TTC3: variants seen among roughly 807,000 people sequenced by gnomAD.
TTC3 encodes the protein E3 ubiquitin-protein ligase TTC3.
Under a neutral mutation model 249.6 loss-of-function variants are expected in TTC3, and 180 were observed. The ratio of observed to expected loss-of-function variants is 0.72; its 90% CI spans 0.64 to 0.82. The LOEUF (loss-of-function observed/expected upper bound fraction) is 0.82. Ranked by LOEUF, TTC3 falls within the 40% of genes least tolerant of loss-of-function variation. The pLI is 0.00. For missense variants in TTC3, 2,061 were observed against 2,398.4 expected (o/e 0.86, Z 2.94); for synonymous variants, 717 against 805.0 (o/e 0.89, Z 1.85).
exon 38 of TTC3, chr21:37,187,111 A>T: frequency 6.3e-7 from 1 of 1,580,436 alleles, no homozygotes; most frequent in Non-Finnish European, 8.5e-7. Context: ...AAAGAGGATT[A>T]TGAAGAGAGT....
chr21:37,175,977 G>A (rs905789819), intron 35 of TTC3, among the ~76,000 whole-genome samples: 4 of 152,106 alleles, frequency 2.6e-5, no homozygotes, highest in Non-Finnish European at 4.4e-5. Flanking sequence ...CGCCATGTTG[G>A]CCAGGCTAGT....
chr21:37,194,562 T>C (rs1202156475), intron 41 of TTC3: 1 of 152,092 alleles, frequency 6.6e-6, no homozygotes, highest in Non-Finnish European at 1.5e-5. Context: ...AGAAGCAATA[T>C]ATTGCTTCCT....
chr21:37,143,399 A>G (rs1413042940), intron 20 of TTC3, among the ~76,000 whole-genome samples: 3 of 152,170 alleles, frequency 2.0e-5, no homozygotes, highest in African/African-American at 7.2e-5. Context: ...CAAATTTACA[A>G]GAAAAAAACA....
At chr21:37,115,415 C>A (rs184432486) in intron 11 of TTC3, among the ~76,000 whole-genome samples, 1 of 152,064 alleles carries the variant, frequency 6.6e-6, no homozygotes, top group East Asian at 1.9e-4. Context: ...ACAGGAAGCC[C>A]CAGTAAACTG....
chr21:37,093,870 T>G, intron 7 of TTC3, 135 bp from the exon 8 acceptor site: 1 of 521,922 alleles, frequency 1.9e-6, no homozygotes, highest in Non-Finnish European at 3.4e-6. Flanking sequence ...ACAAGAAACA[T>G]GTGCTATTTA....
chr21:37,151,127 A>G (rs1396965245), intron 25 of TTC3, among the ~76,000 whole-genome samples: 2 of 152,190 alleles, frequency 1.3e-5, no homozygotes, highest in Non-Finnish European at 2.9e-5. Context: ...AATTAAAATT[A>G]TAACATTTGA....
chr21:37,156,688 A>G lies in TTC3; in HGVS notation c.2774A>G (p.Tyr925Cys), dbSNP rs756767186. 4 of 1,613,758 alleles carry G rather than the reference A, an allele frequency of 2.5e-6. No homozygotes were observed. In the South Asian group the frequency reaches 3.3e-5, roughly 13 times the overall value. The change falls in exon 28 of 46, where the codon TAT (tyrosine) becomes TGT (cysteine). Residue 925 changes from tyrosine to cysteine, a missense_variant. This residue lies in a region of TTC3 where 989 missense variants were observed against 1,145.1 expected (regional missense o/e 0.86). Transcript: ENST00000355666. Reference sequence around the variant, plus strand: ...GCCACAGGAACTTTCTTTTCTCGTTATGGAGCATCTCTTAAACTGCTTGAT... The same window carrying G: ...GCCACAGGAACTTTCTTTTCTCGTTGTGGAGCATCTCTTAAACTGCTTGAT...
intron 36 of TTC3, 59 bp from the exon 37 acceptor site, chr21:37,185,646 TG>T (rs1279182456): frequency 1.8e-5 from 17 of 956,318 alleles, no homozygotes; most frequent in Admixed American, 5.4e-5. Context: ...ATTTACTGTG[TG>T]GGGGTCCTGT....
intron 15 of TTC3, 84 bp from the exon 16 acceptor site, chr21:37,128,919 A>G (rs2077249037): frequency 1.8e-6 from 2 of 1,101,358 alleles, no homozygotes; most frequent in African/African-American, 1.6e-5. Context: ...TCTTACTCCA[A>G]TTTATATTTT....
intron 10 of TTC3, among the ~76,000 whole-genome samples, chr21:37,097,069 A>G (rs2074015683): frequency 6.6e-6 from 1 of 152,234 alleles, no homozygotes; most frequent in Non-Finnish European, 1.5e-5. Flanking sequence ...ATAGTATAAA[A>G]GAAGCATTTT....
chr21:37,197,821 T>G, intron 43 of TTC3, 61 bp from the exon 44 acceptor site: 1 of 1,573,726 alleles, frequency 6.4e-7, no homozygotes, highest in Non-Finnish European at 8.6e-7. Flanking sequence ...GATGGTCAAG[T>G]TGTTGGATAA....
exon 46 of TTC3, chr21:37,202,542 T>A (rs2085591953): frequency 6.6e-6 from 1 of 152,282 alleles, no homozygotes; most frequent in Non-Finnish European, 1.5e-5. Flanking sequence ...CCCTGAGGTA[T>A]CTGTGTTACA....
chr21:37,124,112 C>CTTTTTTTTTT (rs60916518), intron 13 of TTC3, among the ~76,000 whole-genome samples: 684 of 61,286 alleles, frequency 0.011, 130 homozygotes, highest in Middle Eastern at 0.079. Flanking sequence ...TTGAACTGTT[C>CTTTTTTTTTT]TTTTTTTTTT....
chr21:37,176,355 T>G (rs908901943), intron 35 of TTC3, among the ~76,000 whole-genome samples: 1 of 152,224 alleles, frequency 6.6e-6, no homozygotes, highest in African/African-American at 2.4e-5. Flanking sequence ...AACCCCATAT[T>G]TATTAATCAG....
chr21:37,092,837 A>G (rs963081477), intron 7 of TTC3, among the ~76,000 whole-genome samples: 20 of 152,156 alleles, frequency 1.3e-4, no homozygotes, highest in Admixed American at 1.2e-3. Context: ...TCCTTTTTAT[A>G]TAATAGCTTA....
chr21:37,147,578 T>C (rs1448026312), exon 22 of TTC3: 23 of 1,608,622 alleles, frequency 1.4e-5, no homozygotes, highest in African/African-American at 4.0e-5. Flanking sequence ...AAGATCCAGA[T>C]ATACATAACT....
intron 1 of TTC3, among the ~76,000 whole-genome samples, chr21:37,085,614 T>G (rs1325439793): frequency 1.3e-5 from 2 of 152,152 alleles, no homozygotes; most frequent in African/African-American, 2.4e-5. Context: ...ATTTAAGAAC[T>G]GGTTTCGACC....
intron 21 of TTC3, among the ~76,000 whole-genome samples, chr21:37,145,281 T>TA (rs2078884904): frequency 6.6e-6 from 1 of 152,194 alleles, no homozygotes; most frequent in African/African-American, 2.4e-5. Context: ...AGTCAACTTT[T>TA]ACAACTCAAT....
intron 20 of TTC3, among the ~76,000 whole-genome samples, chr21:37,141,309 A>G (rs866689737): frequency 6.6e-6 from 1 of 152,254 alleles, no homozygotes; most frequent in Non-Finnish European, 1.5e-5. Flanking sequence ...ATGTTAGATT[A>G]TAAAGAAATA....
Sources: gnomAD v4.1 joint callset for allele counts (sites outside exome capture counted in the v4.1 genomes callset) on GRCh38, gnomAD v4.1.1 for gene constraint, gnomAD v4.1.1 regional missense constraint, MANE v1.5 for transcripts, NCBI Gene and HGNC (gene_info 2026-07-23, HGNC 2026-07-21) for gene names.